The following DLGAP2 variants were observed in gnomAD, a reference collection of about 807,000 sequenced individuals.
DLGAP2 encodes the protein DLG associated protein 2.
A neutral mutation model predicts 100.3 loss-of-function variants in DLGAP2; 26 were observed. That is an observed-to-expected ratio of 0.26 (90% CI 0.19 to 0.36). The LOEUF (loss-of-function observed/expected upper bound fraction) is 0.36, where lower values mean the gene tolerates loss of function less well. Among genes scored for constraint, DLGAP2 ranks in the 10% least tolerant of loss-of-function variants. The pLI is 1.00. For synonymous variants in DLGAP2, 886 were observed against 630.1 expected (o/e 1.41, Z -6.08); for missense variants, 1,858 against 1,453.2 (o/e 1.28, Z -4.53).
chr8:1,247,145 G>A (rs1481300143), intron 2 of DLGAP2: 12 of 172,004 alleles, frequency 7.0e-5, no homozygotes, highest in South Asian at 4.0e-4. Flanking sequence ...GTCGGTGGCC[G>A]GGAAGACCTT....
chr8:851,889 C>T (rs1412561268), intron 1 of DLGAP2, among the ~76,000 whole-genome samples: 1 of 152,184 alleles, frequency 6.6e-6, no homozygotes, highest in Admixed American at 6.5e-5. Flanking sequence ...CTCTCACCTT[C>T]ACTAATACCT....
intron 5 of DLGAP2, among the ~76,000 whole-genome samples, chr8:1,554,239 G>C (rs1031499647): frequency 1.3e-5 from 2 of 152,174 alleles, no homozygotes; most frequent in Admixed American, 1.3e-4. Flanking sequence ...AGTGAGCCAA[G>C]ATCACGCCAC....
At chr8:862,558 G>A (rs1797413688) in intron 1 of DLGAP2, among the ~76,000 whole-genome samples, 1 of 152,116 alleles carries the variant, frequency 6.6e-6, no homozygotes, top group Non-Finnish European at 1.5e-5. Context: ...CTCCCAAAGT[G>A]CTGGGATTAT....
intron 1 of DLGAP2, among the ~76,000 whole-genome samples, chr8:881,803 C>A (rs1797803674): frequency 6.6e-6 from 1 of 151,916 alleles, no homozygotes; most frequent in Non-Finnish European, 1.5e-5. Context: ...AGGTGTGAGC[C>A]ACTGTGTCCA....
chr8:1,249,598 T>C (rs913240421), intron 2 of DLGAP2, among the ~76,000 whole-genome samples: 5 of 152,228 alleles, frequency 3.3e-5, no homozygotes, highest in African/African-American at 1.2e-4. Context: ...GCAAATCACT[T>C]CATTTCTTTG....
intron 2 of DLGAP2, among the ~76,000 whole-genome samples, chr8:1,162,122 C>T (rs535786762): frequency 9.6e-4 from 146 of 152,300 alleles, no homozygotes; most frequent in Non-Finnish European, 1.4e-3. Context: ...GGGCAGATTC[C>T]ACAGGAGGCT....
At chr8:1,359,496 G>C (rs529945323) in intron 3 of DLGAP2, among the ~76,000 whole-genome samples, 1 of 152,380 alleles carries the variant, frequency 6.6e-6, no homozygotes, top group Admixed American at 6.5e-5. Flanking sequence ...CACTGGCCTA[G>C]CCTCCTGGCG....
At chr8:980,210 T>A (rs1398394494) in intron 2 of DLGAP2, among the ~76,000 whole-genome samples, 1 of 152,184 alleles carries the variant, frequency 6.6e-6, no homozygotes, top group Admixed American at 6.5e-5. Context: ...TTGAAAATCA[T>A]CTGCGTGGAC....
intron 2 of DLGAP2, among the ~76,000 whole-genome samples, chr8:925,539 A>G (rs1486940062): frequency 6.6e-6 from 1 of 152,144 alleles, no homozygotes; most frequent in Non-Finnish European, 1.5e-5. Flanking sequence ...GAGAGAGTGT[A>G]TTAGCACAGC....
chr8:983,731 C>G (rs948045342), intron 2 of DLGAP2, among the ~76,000 whole-genome samples: 1 of 152,074 alleles, frequency 6.6e-6, no homozygotes, highest in Non-Finnish European at 1.5e-5. Flanking sequence ...TGGCTTCCAC[C>G]TCCCAGGCTC....
At chr8:1,662,873 G>GTA in intron 8 of DLGAP2, among the ~76,000 whole-genome samples, 1 of 149,542 alleles carries the variant, frequency 6.7e-6, no homozygotes, top group African/African-American at 2.5e-5. Context: ...TGAGTGTGGG[G>GTA]TGTGTGCGCG....
chr8:1,573,152 T>C (rs1802810988), intron 6 of DLGAP2, among the ~76,000 whole-genome samples: 1 of 119,336 alleles, frequency 8.4e-6, no homozygotes, highest in African/African-American at 3.5e-5. Flanking sequence ...GATGGTGAAC[T>C]GGAGGGGTAA....
chr8:1,311,890 A>G (rs1375052735), intron 3 of DLGAP2, among the ~76,000 whole-genome samples: 3 of 152,234 alleles, frequency 2.0e-5, no homozygotes, highest in Non-Finnish European at 4.4e-5. Flanking sequence ...CAGTGTGTCA[A>G]AATACATAAG....
chr8:853,800 A>G (rs1442962998), intron 1 of DLGAP2, among the ~76,000 whole-genome samples: 1 of 152,192 alleles, frequency 6.6e-6, no homozygotes, highest in Non-Finnish European at 1.5e-5. Context: ...TACAGAAACA[A>G]GGCAGTTTTC....
intron 2 of DLGAP2, among the ~76,000 whole-genome samples, chr8:1,106,627 T>C (rs1175652206): frequency 6.7e-6 from 1 of 149,584 alleles, no homozygotes; most frequent in Non-Finnish European, 1.5e-5. Context: ...GGTTTTCTAT[T>C]GAAGGGAGCC....
At chr8:906,292 G>A (rs1007783292) in intron 1 of DLGAP2, among the ~76,000 whole-genome samples, 2 of 152,250 alleles carry the variant, frequency 1.3e-5, no homozygotes, top group African/African-American at 4.8e-5. Context: ...AGGGAAGGAT[G>A]TGGCGGAGCC....
chr8:1,131,194 G>A (rs1369451744), intron 2 of DLGAP2, among the ~76,000 whole-genome samples: 1 of 152,028 alleles, frequency 6.6e-6, no homozygotes, highest in African/African-American at 2.4e-5. Context: ...AGGTTTCAGG[G>A]GCCCCATTAG....
At position 1,298,120 on chromosome 8, in the gene DLGAP2, C is replaced by A. The variant is rs997963086; in HGVS notation, c.106+39237C>A. 4.8e-5 allele frequency among the ~76,000 whole-genome samples: 7 copies of A among 145,568 alleles called. 1 individual carries two copies. Among genetic ancestry groups the A allele is most frequent in the Admixed American group, 4.1e-4 (6 of 14,518 alleles). On this transcript the variant is annotated intron_variant, in intron 3 of 14. Coordinates refer to ENST00000637795, the MANE Select transcript of DLGAP2 (RefSeq NM_001346810.2). ...AGACAGGGAGGAGAAACGTGGCAGG[C>A]GTCAACAGACACCACGTGAGACAGG... is the stretch of plus-strand genomic sequence containing the variant.
chr8:1,327,773 G>A (rs537631304), intron 3 of DLGAP2, among the ~76,000 whole-genome samples: 2 of 152,208 alleles, frequency 1.3e-5, no homozygotes, highest in African/African-American at 2.4e-5. Context: ...GAACCCAGGA[G>A]GGGGAGCTTG....
Sources: gnomAD v4.1 joint callset for allele counts (sites outside exome capture counted in the v4.1 genomes callset) on GRCh38, gnomAD v4.1.1 for gene constraint, MANE v1.5 for transcripts, NCBI Gene and HGNC (gene_info 2026-07-23, HGNC 2026-07-21) for gene names.